FERMT2: variants seen among roughly 807,000 people sequenced by gnomAD.
FERMT2 encodes fermitin family homolog 2.
A neutral mutation model predicts 82.7 loss-of-function variants in FERMT2; 15 were observed. That is an observed-to-expected ratio of 0.18 (90% confidence interval 0.12 to 0.28). FERMT2 has a LOEUF of 0.28. Ranked by LOEUF, FERMT2 falls within the 10% of genes least tolerant of loss-of-function variation. The probability of loss-of-function intolerance (pLI) is 1.00; values close to 1 mark genes in which losing one functional copy is unlikely to be tolerated. For synonymous variants in FERMT2, 274 were observed against 271.5 expected (o/e 1.01, Z -0.09); for missense variants, 645 against 809.4 (o/e 0.80, Z 2.46).
intron 3 of FERMT2, among the ~76,000 whole-genome samples, chr14:52,918,258 A>G (rs1180430358): frequency 1.3e-5 from 2 of 152,216 alleles, no homozygotes; most frequent in Non-Finnish European, 2.9e-5. Flanking sequence ...AGTTTAAAAA[A>G]TACATATAAA....
At chr14:52,946,952 T>TTACG (rs1414388831) in intron 2 of FERMT2, among the ~76,000 whole-genome samples, 1 of 152,132 alleles carries the variant, frequency 6.6e-6, no homozygotes, top group Non-Finnish European at 1.5e-5. Flanking sequence ...GGATTACAGA[T>TTACG]GTGAGCCACC....
intron 3 of FERMT2, among the ~76,000 whole-genome samples, chr14:52,912,642 T>C (rs1888389305): frequency 6.6e-6 from 1 of 152,078 alleles, no homozygotes; most frequent in Non-Finnish European, 1.5e-5. Flanking sequence ...CTCAAACAGT[T>C]GGGACCACAG....
intron 6 of FERMT2, 114 bp from the exon 7 acceptor site, chr14:52,878,803 A>C (rs950082970): frequency 1.8e-6 from 1 of 556,104 alleles, no homozygotes; most frequent in East Asian, 3.2e-5. Context: ...CTGGGATCTT[A>C]ATTTACAAGC....
chr14:52,949,219 A>G (rs1450854679), intron 2 of FERMT2, among the ~76,000 whole-genome samples: 1 of 152,158 alleles, frequency 6.6e-6, no homozygotes, highest in South Asian at 2.1e-4. Flanking sequence ...AGGGGTACAA[A>G]GCAGGTCCAC....
At chr14:52,891,632 A>G (rs913949039) in intron 4 of FERMT2, among the ~76,000 whole-genome samples, 11 of 152,182 alleles carry the variant, frequency 7.2e-5, no homozygotes, top group South Asian at 4.1e-4. Context: ...GGCACTGCAC[A>G]GTAAGTGCTC....
chr14:52,894,889 A>T (rs1174787518), intron 3 of FERMT2, among the ~76,000 whole-genome samples: 509 of 12,556 alleles, frequency 0.041, 5 homozygotes, highest in Non-Finnish European at 0.24. Flanking sequence ...TTAAAAATAA[A>T]AAAAAAAAAA....
chr14:52,905,315 A>T (rs1036813867), intron 3 of FERMT2, among the ~76,000 whole-genome samples: 8 of 152,206 alleles, frequency 5.3e-5, no homozygotes, highest in African/African-American at 1.9e-4. Context: ...ACAGTAAACG[A>T]GTAGAAAGTG....
Position 52,872,499 on chromosome 14 carries a change from A to C in FERMT2, c.1273+300T>G, listed in dbSNP as rs529948636. Among the ~76,000 whole-genome samples, 270 of 152,174 alleles carry C rather than the reference A, an allele frequency of 1.8e-3. 1 individual carries two copies. Among genetic ancestry groups the C allele is most frequent in the African/African-American group, 5.7e-3 (236 of 41,526 alleles). On this transcript the variant is annotated intron_variant, in intron 10 of 14. Transcript: ENST00000341590. ...CAGTGAGCCAAGATTGCACCACTGCACTCCAGCCTGGGTGACAGAGCAAGA... is the reference window on the plus strand; with the variant it reads ...CAGTGAGCCAAGATTGCACCACTGCCCTCCAGCCTGGGTGACAGAGCAAGA...
At chr14:52,882,328 T>A (rs1022436612) in intron 4 of FERMT2, among the ~76,000 whole-genome samples, 5 of 152,166 alleles carry the variant, frequency 3.3e-5, no homozygotes, top group African/African-American at 1.2e-4. Context: ...TATTTAATAG[T>A]CAAATCTCAA....
At position 52,947,353 on chromosome 14, in the gene FERMT2, T is replaced by C. The variant is rs533672944; in HGVS notation, c.157+3059A>G. Among the ~76,000 whole-genome samples, 6 of 152,062 alleles carry C rather than the reference T, an allele frequency of 3.9e-5. No homozygotes were observed. In the East Asian group the frequency reaches 9.7e-4, roughly 25 times the overall value. On this transcript the variant is annotated intron_variant, in intron 2 of 14. Transcript: ENST00000341590. ...AATTAGCCAGGCATGGTGGCGGGTGTCTGTAGTCCCAGCTACTCGGGAGGC... is the reference window on the plus strand; with the variant it reads ...AATTAGCCAGGCATGGTGGCGGGTGCCTGTAGTCCCAGCTACTCGGGAGGC...
At chr14:52,920,744 G>A (rs748336313) in intron 2 of FERMT2, among the ~76,000 whole-genome samples, 3 of 152,182 alleles carry the variant, frequency 2.0e-5, no homozygotes, top group Non-Finnish European at 4.4e-5. Flanking sequence ...CTTGAGCCCA[G>A]GAATTCAAGA....
At chr14:52,942,566 T>C (rs1277628968) in intron 2 of FERMT2, among the ~76,000 whole-genome samples, 1 of 151,776 alleles carries the variant, frequency 6.6e-6, no homozygotes, top group Non-Finnish European at 1.5e-5. Flanking sequence ...CCTCCCAAAG[T>C]GCTAGGATTA....
At chr14:52,889,199 G>A (rs965732339) in intron 4 of FERMT2, among the ~76,000 whole-genome samples, 1 of 152,200 alleles carries the variant, frequency 6.6e-6, no homozygotes, top group Non-Finnish European at 1.5e-5. Context: ...TATATTACAT[G>A]TAGTGTTTTG....
At chr14:52,922,918 G>A (rs1489047480) in intron 2 of FERMT2, among the ~76,000 whole-genome samples, 1 of 152,170 alleles carries the variant, frequency 6.6e-6, no homozygotes, top group African/African-American at 2.4e-5. Flanking sequence ...TCACTGTTGT[G>A]TGAACATCAA....
chr14:52,908,610 T>C (rs1183216616), intron 3 of FERMT2, among the ~76,000 whole-genome samples: 2 of 152,144 alleles, frequency 1.3e-5, no homozygotes, highest in African/African-American at 4.8e-5. Context: ...GGCAAGACTA[T>C]AGTAGCAGAG....
chr14:52,911,122 TAA>T (rs987295605), intron 3 of FERMT2, among the ~76,000 whole-genome samples: 1 of 152,190 alleles, frequency 6.6e-6, no homozygotes, highest in African/African-American at 2.4e-5. Context: ...ACTTTTTCTG[TAA>T]AGATAGTAAA....
intron 2 of FERMT2, 127 bp downstream of exon 2, chr14:52,950,285 C>T (rs1426386269): frequency 1.2e-5 from 11 of 892,284 alleles, no homozygotes; most frequent in African/African-American, 1.7e-5. Flanking sequence ...AAAGATTTTA[C>T]ATCTCCAAAA....
At chr14:52,914,117 C>T (rs1020818157) in intron 3 of FERMT2, among the ~76,000 whole-genome samples, 1 of 152,008 alleles carries the variant, frequency 6.6e-6, no homozygotes, top group African/African-American at 2.4e-5. Flanking sequence ...AATCCTACTG[C>T]TTTGGGAGGC....
At chr14:52,903,740 C>A (rs538417405) in intron 3 of FERMT2, among the ~76,000 whole-genome samples, 2 of 152,166 alleles carry the variant, frequency 1.3e-5, no homozygotes, top group South Asian at 4.1e-4. Context: ...TCACCTTTTT[C>A]TTACTACCCT....
Sources: gnomAD v4.1 joint callset for allele counts (sites outside exome capture counted in the v4.1 genomes callset) on GRCh38, gnomAD v4.1.1 for gene constraint, MANE v1.5 for transcripts, NCBI Gene and HGNC (gene_info 2026-07-23, HGNC 2026-07-21) for gene names.